Variants in TBC1D8 observed in about 807,000 individuals in gnomAD.
TBC1D8 encodes the protein BUB2-like protein 1.
A neutral mutation model predicts 118.8 loss-of-function variants in TBC1D8; 65 were observed. The ratio of observed to expected loss-of-function variants is 0.55; its 90% CI spans 0.45 to 0.67. The LOEUF (loss-of-function observed/expected upper bound fraction) is 0.67, where lower values mean the gene tolerates loss of function less well. Among genes scored for constraint, TBC1D8 ranks in the 30% least tolerant of loss-of-function variants. TBC1D8 has a pLI of 0.00. For synonymous variants in TBC1D8, 566 were observed against 595.8 expected (o/e 0.95, Z 0.73); for missense variants, 1,376 against 1,471.2 (o/e 0.94, Z 1.06).
At chr2:101,051,245 C>T (rs1682055055) in intron 4 of TBC1D8, among the ~76,000 whole-genome samples, 1 of 152,112 alleles carries the variant, frequency 6.6e-6, no homozygotes, top group African/African-American at 2.4e-5. Flanking sequence ...TTATGGTAGA[C>T]GATTTATATT....
At position 101,087,022 on chromosome 2, in the gene TBC1D8, GATCCGCCC is replaced by G. The variant is rs1675679133; in HGVS notation, c.283+3179_283+3186del. Among the ~76,000 whole-genome samples the G allele has an allele frequency of 4.6e-5, 7 of 152,220 alleles. No homozygotes were observed. In the South Asian group the frequency reaches 1.5e-3, roughly 32 times the overall value. On this transcript the variant is annotated intron_variant, in intron 2 of 19. Coordinates refer to ENST00000409318, the MANE Select transcript of TBC1D8 (RefSeq NM_001330348.2). ...TGGTCTTGAACTCCTGACCTCAGGTGATCCGCCCGCCTCAGCCTCCCAAAGTGCTGGGA... is the reference window on the plus strand; with the variant it reads ...TGGTCTTGAACTCCTGACCTCAGGTGGCCTCAGCCTCCCAAAGTGCTGGGA...
rs1272222717 is a variant in TBC1D8 at position 101,037,965 on chromosome 2, G to A, written c.1276-257C>T. On this transcript the variant is annotated intron_variant, in intron 7 of 19. Coordinates refer to ENST00000409318, the MANE Select transcript of TBC1D8 (RefSeq NM_001330348.2). Reference sequence around the variant, plus strand: ...GTCCATATGCAGTTCCTCATGGGCAGCCCCAGCCTCCCCTCAGCTTATGGA... The same window carrying A: ...GTCCATATGCAGTTCCTCATGGGCAACCCCAGCCTCCCCTCAGCTTATGGA... Among the ~76,000 whole-genome samples, 4 of 152,262 alleles carry A rather than the reference G, an allele frequency of 2.6e-5. No individual in the cohort carries two copies. The East Asian group carries it at 7.7e-4, about 29-fold the overall frequency.
In TBC1D8 at chr2:101,007,542, A is replaced by G. The variant is rs1480556218; in HGVS notation, c.*279T>C. The stretch of plus-strand genomic sequence containing the variant: ...GTGTTCATCTGAGAGCAAAATCAAC[A>G]CTAGCATCACAGCAGAAGTGCCCAT... On this transcript the variant is annotated 3_prime_UTR_variant, in exon 20 of 20. Transcript: ENST00000409318. 7.3e-6 allele frequency: 3 copies of G among 412,274 alleles called. No individual in the cohort carries two copies. The highest frequency in any genetic ancestry group is 6.6e-4 in the Middle Eastern group (1 of 1,516). 25.5% of individuals were successfully genotyped at this position (412,274 alleles called of 1,614,324 possible).
chr2:101,070,790 G>A (rs371371015), intron 2 of TBC1D8, among the ~76,000 whole-genome samples: 1 of 152,130 alleles, frequency 6.6e-6, no homozygotes, highest in Admixed American at 6.5e-5. Context: ...TCAAGGACTT[G>A]AGAATTACAT....
At chr2:101,118,977 T>A (rs1292954895) in intron 1 of TBC1D8, among the ~76,000 whole-genome samples, 2 of 151,818 alleles carry the variant, frequency 1.3e-5, no homozygotes, top group Non-Finnish European at 2.9e-5. Context: ...ACCACTACAC[T>A]CCAGCCTGGA....
rs142460247 is a variant in TBC1D8 at position 101,111,397 on chromosome 2, C to T, written c.128-21033G>A. Among the ~76,000 whole-genome samples, 42 of 152,300 alleles carry T rather than the reference C, an allele frequency of 2.8e-4. No individual in the cohort carries two copies. The East Asian group carries it at 6.0e-3, about 22-fold the overall frequency. ...TTTATAACTAAGCAGACAACATGCG[C>T]GGTCCTGTGCCCATCATGGCTGGTG... is the stretch of plus-strand genomic sequence containing the variant. On this transcript the variant is annotated intron_variant, in intron 1 of 19. Coordinates refer to ENST00000409318, the MANE Select transcript of TBC1D8 (RefSeq NM_001330348.2).
chr2:101,039,334 T>C (rs928619531), intron 6 of TBC1D8, among the ~76,000 whole-genome samples: 1 of 152,170 alleles, frequency 6.6e-6, no homozygotes, highest in African/African-American at 2.4e-5. Flanking sequence ...TACAGAATAA[T>C]AACATGGAGT....
rs74361563 is a variant in TBC1D8, at chr2:101,012,286, C to A, written c.2828-746G>T. ...TCACAGTAGTATTGTTCATAGTAGC[C>A]AAAAAAACACCCAAATGTTGAATAA... On this transcript the variant is annotated intron_variant, in intron 17 of 19. Transcript: ENST00000409318. 6.9e-3 allele frequency among the ~76,000 whole-genome samples: 1,053 copies of A among 151,974 alleles called. 14 individuals carry two copies. Among genetic ancestry groups the A allele is most frequent in the African/African-American group, 0.025 (1,016 of 41,436 alleles).
chr2:101,007,790 G>GACTC lies in TBC1D8; in HGVS notation c.*27_*30dup, dbSNP rs1192735324. ...GTCTGGTTCGTGCTTTGGTATGGTG[G>GACTC]ACTCCAGTGTGCATAGCAGCTGCTG... is the stretch of plus-strand genomic sequence containing the variant. On this transcript the variant is annotated 3_prime_UTR_variant, in exon 20 of 20. Coordinates refer to ENST00000409318, the MANE Select transcript of TBC1D8 (RefSeq NM_001330348.2). 1 of 1,595,912 alleles carries GACTC rather than the reference G, an allele frequency of 6.3e-7. No homozygotes were observed. The highest frequency in any genetic ancestry group is 8.6e-7 in the Non-Finnish European group (1 of 1,167,742).
intron 1 of TBC1D8, among the ~76,000 whole-genome samples, chr2:101,145,101 G>C (rs560032201): frequency 6.6e-6 from 1 of 152,216 alleles, no homozygotes; most frequent in African/African-American, 2.4e-5. Context: ...GTTCCAATTA[G>C]GTGGAAAAGG....
chr2:101,115,436 TAGGGG>T (rs1231857553), intron 1 of TBC1D8, among the ~76,000 whole-genome samples: 1 of 152,200 alleles, frequency 6.6e-6, no homozygotes, highest in Non-Finnish European at 1.5e-5. Flanking sequence ...GCCTTCCATT[TAGGGG>T]AAGTTGCAGC....
At chr2:101,019,590 C>T (rs1260794617) in intron 17 of TBC1D8, 1 of 152,512 alleles carries the variant, frequency 6.6e-6, no homozygotes, top group Non-Finnish European at 1.5e-5. Flanking sequence ...ATCTTAATTT[C>T]CACTGAACTT....
intron 17 of TBC1D8, among the ~76,000 whole-genome samples, chr2:101,017,642 G>C (rs763829562): frequency 2.0e-5 from 3 of 152,218 alleles, no homozygotes; most frequent in Non-Finnish European, 4.4e-5. Context: ...AGACCATGCT[G>C]TGCAAAGATC....
In TBC1D8 at chr2:101,040,213, C is replaced by T. The variant is rs200653201; in HGVS notation, c.1045G>A (p.Asp349Asn). The T allele has an allele frequency of 2.6e-5, 42 of 1,614,028 alleles. No homozygotes were observed. Among genetic ancestry groups the T allele is most frequent in the Non-Finnish European group, 3.1e-5 (37 of 1,179,898 alleles). Residue 349 changes from aspartate (D) to asparagine (N), a missense_variant, in exon 6 of 20, where the codon GAT becomes AAT. Transcript: ENST00000409318. Reference protein sequence around the residue: ...DSYICFASREDGCCKIILPLR... With the variant: ...DSYICFASRENGCCKIILPLR... Reference sequence around the variant, plus strand: ...GGCAGGATGATCTTACAGCAGCCATCTTCTCTGCTGGCAAAGCAGATGTAG... The same window carrying T: ...GGCAGGATGATCTTACAGCAGCCATTTTCTCTGCTGGCAAAGCAGATGTAG...
At chr2:101,133,374 G>A (rs776157064) in intron 1 of TBC1D8, among the ~76,000 whole-genome samples, 55 of 151,914 alleles carry the variant, frequency 3.6e-4, no homozygotes, top group Non-Finnish European at 1.3e-4. Context: ...TGAGATATTC[G>A]CTCCCTTCCC....
intron 1 of TBC1D8, 32 bp downstream of exon 1, chr2:101,151,095 G>A (rs1204028054): frequency 2.2e-6 from 2 of 894,540 alleles, no homozygotes; most frequent in African/African-American, 3.7e-5. Context: ...CCCCGGGCCC[G>A]GCCGCCGCGC....
chr2:101,046,247 C>A (rs1681696513), intron 5 of TBC1D8, among the ~76,000 whole-genome samples: 2 of 152,266 alleles, frequency 1.3e-5, no homozygotes. Flanking sequence ...CTAGGCTCAC[C>A]TGGCTGTCAG....
chr2:101,079,660 G>C (rs13394907), intron 2 of TBC1D8, among the ~76,000 whole-genome samples: 3,190 of 147,680 alleles, frequency 0.022, 121 homozygotes, highest in African/African-American at 0.074. Flanking sequence ...AAAGGCGTTT[G>C]AGTCACTGGG....
At chr2:101,087,123 T>C (rs999121787) in intron 2 of TBC1D8, among the ~76,000 whole-genome samples, 7 of 151,996 alleles carry the variant, frequency 4.6e-5, no homozygotes, top group African/African-American at 1.7e-4. Flanking sequence ...TAATTTGTAT[T>C]GGGCTGCATT....
Sources: gnomAD v4.1 joint callset for allele counts (sites outside exome capture counted in the v4.1 genomes callset) on GRCh38, gnomAD v4.1.1 for gene constraint, MANE v1.5 for transcripts, NCBI Gene and HGNC (gene_info 2026-07-23, HGNC 2026-07-21) for gene names.